CLUAP1: variants seen among roughly 807,000 people sequenced by gnomAD.
CLUAP1 encodes the protein clusterin-associated protein 1.
Under a neutral mutation model 55.0 loss-of-function variants are expected in CLUAP1, and 50 were observed. That is an observed-to-expected ratio of 0.91 (90% CI 0.72 to 1.15). CLUAP1 has a LOEUF of 1.15. CLUAP1 is among the 50% of genes most tolerant of loss of function. The probability of loss-of-function intolerance (pLI) is 0.00; values close to 1 mark genes in which losing one functional copy is unlikely to be tolerated. For synonymous variants in CLUAP1, 195 were observed against 175.4 expected (o/e 1.11, Z -0.88); for missense variants, 530 against 507.6 (o/e 1.04, Z -0.42).
intron 10 of CLUAP1, 79 bp downstream of exon 10, chr16:3,530,754 T>C (rs2038099383): frequency 8.9e-7 from 1 of 1,128,002 alleles, no homozygotes; most frequent in East Asian, 2.5e-5. Flanking sequence ...GGCAGGCTGC[T>C]TAGTATTGAG....
rs13333002 is a variant in CLUAP1, at chr16:3,505,402, C to T, written c.134+571C>T. On this transcript the variant is annotated intron_variant, in intron 2 of 11. Coordinates refer to ENST00000576634, the MANE Select transcript of CLUAP1 (RefSeq NM_015041.3). ...AAAATTAGCCAGGCGTGGTGGCGGG[C>T]GCCTGTGGTCCCAGCTACTCAGGAG... Among the ~76,000 whole-genome samples, 878 of 152,064 alleles carry T rather than the reference C, an allele frequency of 5.8e-3. 10 individuals carry two copies. Among genetic ancestry groups the T allele is most frequent in the African/African-American group, 0.02 (833 of 41,438 alleles).
Position 3,537,645 on chromosome 16 carries a change from G to A in CLUAP1, c.*1374G>A, listed in dbSNP as rs543475457. On this transcript the variant is annotated 3_prime_UTR_variant, in exon 12 of 12. Coordinates refer to ENST00000576634, the MANE Select transcript of CLUAP1 (RefSeq NM_015041.3). ...GATCATGCCACTGCACTCCAGCCTG[G>A]GTGACAGAGTGAGACCCTGTCTTTA... 1 of 152,232 alleles carries A rather than the reference G, an allele frequency of 6.6e-6. No individual in the cohort carries two copies. Among genetic ancestry groups the A allele is most frequent in the African/African-American group, 2.4e-5 (1 of 41,458 alleles). The allele number at this position is 152,232 out of a possible 1,614,324, so 9.4% of individuals were successfully genotyped here.
intron 5 of CLUAP1, 25 bp from the exon 6 acceptor site, chr16:3,515,483 C>G: frequency 6.6e-7 from 1 of 1,518,410 alleles, no homozygotes; most frequent in Non-Finnish European, 9.0e-7. Context: ...TGAAAATATA[C>G]GTAAATGATT....
intron 8 of CLUAP1, 21 bp from the exon 9 acceptor site, chr16:3,526,391 T>C (rs1026125465): frequency 1.9e-6 from 3 of 1,568,440 alleles, no homozygotes; most frequent in Non-Finnish European, 2.6e-6. Flanking sequence ...CTCTCCTGAG[T>C]CTGTATTTCC....
Position 3,538,840 on chromosome 16 carries a change from G to GC in CLUAP1, c.*2570dup, listed in dbSNP as rs1255913291. ...TAGAATGGATGCAGGATTCACATGT[G>GC]CAAGTGCTTTGTGACCTGGCACCAT... On this transcript the variant is annotated 3_prime_UTR_variant, in exon 12 of 12. Coordinates refer to ENST00000576634, the MANE Select transcript of CLUAP1 (RefSeq NM_015041.3). The GC allele has an allele frequency of 1.3e-5, 2 of 152,182 alleles. No individual in the cohort carries two copies. The highest frequency in any genetic ancestry group is 2.9e-5 in the Non-Finnish European group (2 of 68,040). The allele number at this position is 152,182 out of a possible 1,614,324, so 9.4% of individuals were successfully genotyped here.
intron 1 of CLUAP1, among the ~76,000 whole-genome samples, chr16:3,501,415 T>C (rs2037399026): frequency 6.6e-6 from 1 of 152,286 alleles, no homozygotes; most frequent in Admixed American, 6.5e-5. Context: ...CATGCCGCTC[T>C]TCGCTACCGT....
rs189240605 is a variant in CLUAP1 at position 3,506,531 on chromosome 16, T to C, written c.219+116T>C. ...AGTTTTTCTTTCTTTTTTTTTGAGA[T>C]GGAGTCTCATTCTCTCGCCCAGGCC... On this transcript the variant is annotated intron_variant, in intron 3 of 11. Coordinates refer to ENST00000576634, the MANE Select transcript of CLUAP1 (RefSeq NM_015041.3). 1.7e-4 allele frequency: 141 copies of C among 825,604 alleles called. No individual in the cohort carries two copies. In the African/African-American group the frequency reaches 2.3e-3, roughly 14 times the overall value. The allele number at this position is 825,604 out of a possible 1,614,324, so 51.1% of individuals were successfully genotyped here.
At chr16:3,509,400 G>A (rs2037574815) in intron 4 of CLUAP1, among the ~76,000 whole-genome samples, 1 of 152,216 alleles carries the variant, frequency 6.6e-6, no homozygotes, top group South Asian at 2.1e-4. Flanking sequence ...GATCCAAGCG[G>A]AACCTTCTGT....
Position 3,532,688 on chromosome 16 carries a change from A to G in CLUAP1, c.1037-98A>G, listed in dbSNP as rs979676953. On this transcript the variant is annotated intron_variant, in intron 10 of 11. Transcript: ENST00000576634. ...TCCCAAATTCCTGGGATTATACGCAAAAGCCAACATGCCTGGCCAGAAAAC... is the reference window on the plus strand; with the variant it reads ...TCCCAAATTCCTGGGATTATACGCAGAAGCCAACATGCCTGGCCAGAAAAC... 3 of 1,320,884 alleles carry G rather than the reference A, an allele frequency of 2.3e-6. No homozygotes were observed. In the Admixed American group the frequency reaches 5.5e-5, roughly 24 times the overall value. 81.8% of individuals were successfully genotyped at this position (1,320,884 alleles called of 1,614,324 possible). A position where few individuals can be genotyped will look rare whatever the true frequency, so the allele number is the denominator to read the frequency against.
Position 3,505,227 on chromosome 16 carries a change from T to C in CLUAP1, c.134+396T>C, listed in dbSNP as rs532728060. 1.4e-3 allele frequency among the ~76,000 whole-genome samples: 215 copies of C among 152,076 alleles called. 2 individuals are homozygous for C. The highest frequency in any genetic ancestry group is 2.0e-3 in the Non-Finnish European group (139 of 67,982). ...CACACCAGCCCGGGCAGATTGAGAC[T>C]GTGTCTCAAAAAACAAAATCAGGCC... On this transcript the variant is annotated intron_variant, in intron 2 of 11. Coordinates refer to ENST00000576634, the MANE Select transcript of CLUAP1 (RefSeq NM_015041.3).
At position 3,536,116 on chromosome 16, in the gene CLUAP1, C is replaced by T; in HGVS notation, c.1093-6C>T. On this transcript the variant is annotated splice_region_variant and splice_polypyrimidine_tract_variant and intron_variant, in intron 11 of 11. Transcript: ENST00000576634. ...CCCCGTTGCATCTGCCATTTTTTTC[C>T]TATAGGAGGACTCGGAGGAGAGTGA... 6.2e-7 allele frequency: 1 copy of T among 1,613,314 alleles called. No individual in the cohort carries two copies. Among genetic ancestry groups the T allele is most frequent in the Non-Finnish European group, 8.5e-7 (1 of 1,179,652 alleles).
upstream of CLUAP1, among the ~76,000 whole-genome samples, chr16:3,498,832 G>GGGTA (rs2037338391): frequency 6.6e-6 from 1 of 152,056 alleles, no homozygotes; most frequent in Non-Finnish European, 1.5e-5. Context: ...TGGCACTCCA[G>GGGTA]ACTGGGTAAC....
chr16:3,511,394 A>G (rs915168536), intron 4 of CLUAP1, among the ~76,000 whole-genome samples: 5 of 152,176 alleles, frequency 3.3e-5, no homozygotes, highest in African/African-American at 1.2e-4. Context: ...CTAAATCCTC[A>G]TTGTGGTTGT....
rs374398850 is a variant in CLUAP1 at position 3,512,494 on chromosome 16, C to G, written c.495+16C>G. ...AGAGTTGAGGGTAAGCATTCCAGTA[C>G]TTCCTTAACCATGCAGATTTTCTCT... On this transcript the variant is annotated intron_variant, in intron 5 of 11. Transcript: ENST00000576634. 1.3e-6 allele frequency: 2 copies of G among 1,568,980 alleles called. No homozygotes were observed. Among genetic ancestry groups the G allele is most frequent in the East Asian group, 2.2e-5 (1 of 44,582 alleles).
At chr16:3,524,597 A>G (rs888275222) in intron 8 of CLUAP1, among the ~76,000 whole-genome samples, 8 of 113,132 alleles carry the variant, frequency 7.1e-5, no homozygotes, top group Non-Finnish European at 1.1e-4. Flanking sequence ...ACACCATCTC[A>G]AAAAAAAAAA....
upstream of CLUAP1, among the ~76,000 whole-genome samples, chr16:3,500,474 A>G (rs187940303): frequency 6.6e-6 from 1 of 150,906 alleles, no homozygotes; most frequent in Admixed American, 6.6e-5. Flanking sequence ...GGTTCAAGTA[A>G]TTCTTCTGCC....
rs1275139241 is a variant in CLUAP1 at position 3,504,832 on chromosome 16, G to T, written c.134+1G>T. ...AAGTGCTTCTCTGGCTTGTGAAAAGGTTCGAACGGCACTTTATTGACATCT... is the reference window on the plus strand; with the variant it reads ...AAGTGCTTCTCTGGCTTGTGAAAAGTTTCGAACGGCACTTTATTGACATCT... On this transcript the variant is annotated splice_donor_variant, in intron 2 of 11. Coordinates refer to ENST00000576634, the MANE Select transcript of CLUAP1 (RefSeq NM_015041.3). LOFTEE classifies it high-confidence loss of function. 2 of 1,550,470 alleles carry T rather than the reference G, an allele frequency of 1.3e-6. No individual in the cohort carries two copies. Among genetic ancestry groups the T allele is most frequent in the African/African-American group, 2.7e-5 (2 of 73,510 alleles).
rs2151045068 is a variant in CLUAP1, at chr16:3,508,480, A to T, written c.399+12A>T. The T allele has an allele frequency of 6.4e-7, 1 of 1,559,050 alleles. No homozygotes were observed. Among genetic ancestry groups the T allele is most frequent in the East Asian group, 2.4e-5 (1 of 41,914 alleles). On this transcript the variant is annotated intron_variant, in intron 4 of 11. Coordinates refer to ENST00000576634, the MANE Select transcript of CLUAP1 (RefSeq NM_015041.3). ...ATCTTGGCTCAAAGGTAAGGACAAC[A>T]AAAGCCTTGTAGTGGGCGATGGAGC... is the stretch of plus-strand genomic sequence containing the variant.
At chr16:3,536,024 C>G (rs1443563057) in intron 11 of CLUAP1, 98 bp from the exon 12 acceptor site, 1 of 1,442,874 alleles carries the variant, frequency 6.9e-7, no homozygotes, top group Non-Finnish European at 9.5e-7. Flanking sequence ...TTCCTTCACA[C>G]AGGGATGCTG....
Sources: gnomAD v4.1 joint callset for allele counts (sites outside exome capture counted in the v4.1 genomes callset) on GRCh38, gnomAD v4.1.1 for gene constraint, MANE v1.5 for transcripts, NCBI Gene and HGNC (gene_info 2026-07-23, HGNC 2026-07-21) for gene names.